ST7L: variants seen among roughly 807,000 people sequenced by gnomAD.
The protein encoded by ST7L is suppressor of tumorigenicity 7 protein-like.
In ST7L, 57 loss-of-function variants were observed where a neutral mutation model predicts 72.5. That is an observed-to-expected ratio of 0.79 (90% CI 0.64 to 0.98). ST7L has a LOEUF of 0.98. ST7L is among the 50% of genes least tolerant of loss of function. ST7L has a pLI of 0.00. For synonymous variants in ST7L, 221 were observed against 240.9 expected (o/e 0.92, Z 0.77); for missense variants, 576 against 672.2 (o/e 0.86, Z 1.58).
intron 14 of ST7L, among the ~76,000 whole-genome samples, chr1:112,537,103 C>G (rs952390902): frequency 3.3e-5 from 5 of 151,982 alleles, no homozygotes; most frequent in Non-Finnish European, 7.4e-5. Context: ...TCAAGCAGTT[C>G]TCCTGCCTCA....
chr1:112,562,111 T>C (rs1660268980), intron 11 of ST7L, among the ~76,000 whole-genome samples: 1 of 151,848 alleles, frequency 6.6e-6, no homozygotes, highest in Non-Finnish European at 1.5e-5. Context: ...GGACTGTAGG[T>C]GCAACTACCA....
intron 3 of ST7L, among the ~76,000 whole-genome samples, chr1:112,601,404 C>T (rs930667034): frequency 1.3e-5 from 2 of 152,044 alleles, no homozygotes; most frequent in African/African-American, 4.8e-5. Flanking sequence ...TGCCACCACA[C>T]CCGGCTAATT....
chr1:112,594,829 A>G (rs1393238834), intron 5 of ST7L, among the ~76,000 whole-genome samples: 1 of 152,246 alleles, frequency 6.6e-6, no homozygotes, highest in Admixed American at 6.5e-5. Context: ...CAAAGTTTAA[A>G]GAGCTAAATA....
At chr1:112,526,547 T>C (rs970235874) in intron 14 of ST7L, 1 of 154,250 alleles carries the variant, frequency 6.5e-6, no homozygotes, top group Non-Finnish European at 1.4e-5. Context: ...GAGACCATCC[T>C]GGCTAACACG....
chr1:112,617,979 A>C lies in ST7L; in HGVS notation c.205+930T>G, dbSNP rs540348939. 7 of 1,303,682 alleles carry C rather than the reference A, an allele frequency of 5.4e-6. No individual in the cohort carries two copies. In the South Asian group the frequency reaches 6.2e-5, roughly 12 times the overall value. The allele number at this position is 1,303,682 out of a possible 1,614,324, so 80.8% of individuals were successfully genotyped here. On this transcript the variant is annotated intron_variant, in intron 1 of 14. Transcript: ENST00000358039. ...AACTTGATACCTATCCTCCAAAAAA[A>C]CCAAAATATTTCCGAACATTAACTC...
chr1:112,584,161 A>G (rs200606861), intron 6 of ST7L, 35 bp from the exon 7 acceptor site: 47 of 1,597,094 alleles, frequency 2.9e-5, no homozygotes, highest in Admixed American at 1.0e-4. Flanking sequence ...TTTAAATAAA[A>G]TGGTAAAGCA....
intron 3 of ST7L, chr1:112,607,151 T>C (rs1223966333): frequency 6.6e-6 from 1 of 152,124 alleles, no homozygotes; most frequent in African/African-American, 2.4e-5. Flanking sequence ...GTCTAAAAAG[T>C]TTGAGAACCA....
chr1:112,542,535 T>C (rs11102492), intron 13 of ST7L, among the ~76,000 whole-genome samples: 3,575 of 152,114 alleles, frequency 0.024, 158 homozygotes, highest in African/African-American at 0.081. Context: ...AAGAGGAGGA[T>C]CGCTTAAAGC....
At chr1:112,567,709 T>C (rs1394522735) in intron 11 of ST7L, among the ~76,000 whole-genome samples, 3 of 152,216 alleles carry the variant, frequency 2.0e-5, no homozygotes, top group Non-Finnish European at 4.4e-5. Flanking sequence ...TGAAGTTCCA[T>C]TTCCCCATTG....
At chr1:112,547,852 T>C (rs1443066710) in intron 13 of ST7L, among the ~76,000 whole-genome samples, 1 of 151,880 alleles carries the variant, frequency 6.6e-6, no homozygotes. Context: ...ACGTGAGCCA[T>C]CGTTCCTGGC....
chr1:112,556,985 C>CAAAAAAAAAAAAAAAAAAAAAAAAAAAA (rs1196828305), intron 11 of ST7L, among the ~76,000 whole-genome samples: 2 of 82,114 alleles, frequency 2.4e-5, no homozygotes, highest in Non-Finnish European at 4.6e-5. Context: ...AAAAAAAAAA[C>CAAAAAAAAAAAAAAAAAAAAAAAAAAAA]AAAAAAAAAA....
chr1:112,566,297 CT>C (rs71084471), intron 11 of ST7L, among the ~76,000 whole-genome samples: 120 of 105,912 alleles, frequency 1.1e-3, no homozygotes, highest in South Asian at 6.4e-3. Flanking sequence ...TCTTCTTCTT[CT>C]TTTTTTTTTT....
chr1:112,549,666 A>G (rs1188038003), intron 13 of ST7L, among the ~76,000 whole-genome samples: 1 of 152,162 alleles, frequency 6.6e-6, no homozygotes, highest in African/African-American at 2.4e-5. Context: ...GAACTCATTT[A>G]TTAGTTCTAA....
At chr1:112,531,711 G>C (rs1415643589) in intron 14 of ST7L, among the ~76,000 whole-genome samples, 1 of 152,128 alleles carries the variant, frequency 6.6e-6, no homozygotes, top group African/African-American at 2.4e-5. Flanking sequence ...AGTTACTTAT[G>C]AACAGGGATT....
At chr1:112,522,764 C>T (rs1652951717), downstream of ST7L, 2 of 152,232 alleles carry the variant, frequency 1.3e-5, no homozygotes, top group African/African-American at 4.8e-5. Flanking sequence ...AGTCAGGGCC[C>T]TTGTGGTCTG....
chr1:112,554,308 C>A (rs1658734810), intron 12 of ST7L, among the ~76,000 whole-genome samples: 1 of 151,846 alleles, frequency 6.6e-6, no homozygotes, highest in African/African-American at 2.4e-5. Context: ...TTAAAACAGT[C>A]CAATTTATTC....
At chr1:112,564,074 T>G (rs1373105891) in intron 11 of ST7L, among the ~76,000 whole-genome samples, 1 of 152,200 alleles carries the variant, frequency 6.6e-6, no homozygotes, top group Non-Finnish European at 1.5e-5. Context: ...GCAGGGCGAA[T>G]GCAGAGTCCA....
In ST7L at chr1:112,605,082, C is replaced by T. The variant is rs372905922; in HGVS notation, c.452-4234G>A. Among the ~76,000 whole-genome samples the T allele has an allele frequency of 3.0e-3, 334 of 110,960 alleles. 1 individual carries two copies. Among genetic ancestry groups the T allele is most frequent in the African/African-American group, 0.012 (314 of 25,282 alleles). 72.8% of individuals were successfully genotyped at this position (110,960 alleles called of 152,430 possible). A position where few individuals can be genotyped will look rare whatever the true frequency, so the allele number is the denominator to read the frequency against. ...AGCCTGAGCAGCAAGAGTGAAACTC[C>T]GGCTCCAAAAAAAAAAAAAAAAAAA... On this transcript the variant is annotated intron_variant, in intron 3 of 14. Transcript: ENST00000358039.
At chr1:112,521,673 G>A (rs1652890726), downstream of ST7L, 1 of 152,164 alleles carries the variant, frequency 6.6e-6, no homozygotes. Context: ...CCAAGTCCTA[G>A]TGATTATTAT....
Sources: gnomAD v4.1 joint callset for allele counts (sites outside exome capture counted in the v4.1 genomes callset) on GRCh38, gnomAD v4.1.1 for gene constraint, MANE v1.5 for transcripts, NCBI Gene and HGNC (gene_info 2026-07-23, HGNC 2026-07-21) for gene names.